ALG12: variants seen among roughly 807,000 people sequenced by gnomAD.
ALG12 encodes dol-P-Man:Man(7)GlcNAc(2)-PP-Dol alpha-1,6-mannosyltransferase.
ALG12 carries 36 observed loss-of-function variants against 46.0 expected under a neutral mutation model. That is an observed-to-expected ratio of 0.78 (90% CI 0.60 to 1.03). The LOEUF (loss-of-function observed/expected upper bound fraction) is 1.03, where lower values mean the gene tolerates loss of function less well. Ranked by LOEUF, ALG12 falls within the 50% of genes least tolerant of loss-of-function variation. The probability of loss-of-function intolerance (pLI) is 0.00; values close to 1 mark genes in which losing one functional copy is unlikely to be tolerated. For synonymous variants in ALG12, 326 were observed against 291.6 expected, an observed-to-expected ratio of 1.12 and a Z score of -1.20; for missense variants, 599 against 633.5, an observed-to-expected ratio of 0.95 and a Z score of 0.58.
chr22:49,908,228 A>G (rs1021876066), intron 6 of ALG12, among the ~76,000 whole-genome samples: 3 of 152,086 alleles, frequency 2.0e-5, no homozygotes, highest in South Asian at 2.1e-4. Context: ...CCTTTTCTTC[A>G]CTGTTAAAAA....
chr22:49,891,266 C>G, the ALG12 span, among the ~76,000 whole-genome samples: 1 of 152,168 alleles, frequency 6.6e-6, no homozygotes, highest in Admixed American at 6.5e-5. Flanking sequence ...GGTCTTGATG[C>G]CACTTGTTTA....
Position 49,906,452 on chromosome 22 carries a change from C to T in ALG12, c.992+1269G>A, listed in dbSNP as rs1438857773. Reference sequence around the variant, plus strand: ...GCCAGAGGAGCCCCCAACCCAGGCACGGCCACGGCAGCCGGAGGAACCCCC... The same window carrying T: ...GCCAGAGGAGCCCCCAACCCAGGCATGGCCACGGCAGCCGGAGGAACCCCC... On this transcript the variant is annotated intron_variant, in intron 7 of 9. Transcript: ENST00000330817. This position sits in a 1 kb window ranked among gnomAD's most constrained non-coding sequence, Gnocchi z 4.4. 2.0e-5 allele frequency among the ~76,000 whole-genome samples: 3 copies of T among 152,112 alleles called. No individual in the cohort carries two copies. Among genetic ancestry groups the T allele is most frequent in the African/African-American group, 7.2e-5 (3 of 41,408 alleles).
At chr22:49,907,630 T>C in intron 7 of ALG12, 91 bp downstream of exon 7, 3 of 1,417,022 alleles carry the variant, frequency 2.1e-6, no homozygotes, top group Non-Finnish European at 2.9e-6. Flanking sequence ...GTTTCAAAAA[T>C]TAAACACACA....
chr22:49,913,238 C>G (rs2060589734), intron 3 of ALG12, 147 bp downstream of exon 3: 1 of 1,312,300 alleles, frequency 7.6e-7, no homozygotes, highest in South Asian at 1.2e-5. Context: ...ACCTGAGCAC[C>G]TGCTCTGAGC....
chr22:49,864,225 C>G, the ALG12 span, among the ~76,000 whole-genome samples: 1 of 152,198 alleles, frequency 6.6e-6, no homozygotes, highest in East Asian at 1.9e-4. Flanking sequence ...TCCTCTTTTT[C>G]CACTGAGAGT....
chr22:49,898,322 A>G (rs1028819229), downstream of ALG12, among the ~76,000 whole-genome samples: 2 of 151,796 alleles, frequency 1.3e-5, no homozygotes, highest in African/African-American at 4.8e-5. Context: ...TCTTTATCAG[A>G]TATGTGTTTC....
At chr22:49,909,472 G>T in intron 5 of ALG12, 125 bp from the exon 6 acceptor site, 1 of 994,468 alleles carries the variant, frequency 1.0e-6, no homozygotes, top group Non-Finnish European at 1.5e-6. Flanking sequence ...TGGGCAGGGT[G>T]GGAAGATTGC....
At chr22:49,875,112 G>T in the ALG12 span, among the ~76,000 whole-genome samples, 1 of 152,024 alleles carries the variant, frequency 6.6e-6, no homozygotes, top group Non-Finnish European at 1.5e-5. Context: ...GTGCTCATAG[G>T]GTATCAAGTT....
At chr22:49,911,733 C>T (rs1465409740) in intron 3 of ALG12, among the ~76,000 whole-genome samples, 1 of 152,200 alleles carries the variant, frequency 6.6e-6, no homozygotes, top group Non-Finnish European at 1.5e-5. Context: ...CATGCCCAGT[C>T]TGAATGTCTT....
the ALG12 span, chr22:49,887,266 T>C: frequency 7.1e-7 from 1 of 1,400,100 alleles, no homozygotes; most frequent in South Asian, 1.4e-5. Context: ...TGCCCACGGC[T>C]GTGTACGACA....
the ALG12 span, among the ~76,000 whole-genome samples, chr22:49,892,273 A>C: frequency 6.6e-6 from 1 of 151,666 alleles, no homozygotes; most frequent in Non-Finnish European, 1.5e-5. Flanking sequence ...TCCTAGTAAG[A>C]TGAGACTTGC....
chr22:49,880,178 G>C, the ALG12 span, among the ~76,000 whole-genome samples: 1 of 152,046 alleles, frequency 6.6e-6, no homozygotes, highest in African/African-American at 2.4e-5. Flanking sequence ...TTAAAAGAGC[G>C]GCCGTTGTTG....
intron 7 of ALG12, 24 bp downstream of exon 7, chr22:49,907,697 G>T: frequency 6.2e-7 from 1 of 1,604,788 alleles, no homozygotes; most frequent in South Asian, 1.1e-5. Flanking sequence ...CTATAAAAAT[G>T]CATGTCACAA....
At chr22:49,864,181 G>A in the ALG12 span, among the ~76,000 whole-genome samples, 17 of 152,318 alleles carry the variant, frequency 1.1e-4, no homozygotes, top group South Asian at 2.1e-4. Flanking sequence ...ACGGCAGGGC[G>A]TTCACATGGG....
At chr22:49,886,488 T>C in the ALG12 span, 1,189,434 of 1,564,168 alleles carry the variant, frequency 0.76, 465,516 homozygotes, top group East Asian at 0.86. The surrounding 1 kb of genome is among the most constrained non-coding windows in gnomAD (Gnocchi z 7.7). Context: ...CCTTCGAGGC[T>C]GCGAGCCGGG....
rs756514420 is a variant in ALG12, at chr22:49,913,807, C to T, written c.-42G>A. On this transcript the variant is annotated 5_prime_UTR_variant, in exon 2 of 10. Transcript: ENST00000330817. ...CACGTACCTTCACAGGCCAACAGTG[C>T]GAGACACCAGCCGTTAGCACTGCCA... 6.2e-6 allele frequency: 10 copies of T among 1,609,336 alleles called. No homozygotes were observed. Among genetic ancestry groups the T allele is most frequent in the Non-Finnish European group, 1.7e-6 (2 of 1,179,760 alleles).
chr22:49,871,458 G>A, the ALG12 span, among the ~76,000 whole-genome samples: 1 of 151,998 alleles, frequency 6.6e-6, no homozygotes, highest in African/African-American at 2.4e-5. Flanking sequence ...ACTCCAGCCT[G>A]GGCGACAGAG....
At chr22:49,887,362 C>T in the ALG12 span, 22 of 531,666 alleles carry the variant, frequency 4.1e-5, no homozygotes, top group Middle Eastern at 5.2e-4. Flanking sequence ...CCAAGTTTCG[C>T]GGGGTGTTTT....
chr22:49,909,275 T>C lies in ALG12; in HGVS notation c.737A>G (p.Asn246Ser). The change falls in exon 6 of 10, where the codon AAC (asparagine) becomes AGC (serine). Residue 246 changes from asparagine to serine, a missense_variant. By Grantham distance (46) the Asn-to-Ser change is conservative. Coordinates refer to ENST00000330817, the MANE Select transcript of ALG12 (RefSeq NM_024105.4). ...GTTGGAGCTTTTGTTCAGGACAGTG[T>C]TGTACCAAAGCACCTTTCCTTCCGG... ...TWPEGKVLWY[N>S]TVLNKSSNWG... 8 of 1,614,214 alleles carry C rather than the reference T, an allele frequency of 5.0e-6. No homozygotes were observed. Among genetic ancestry groups the C allele is most frequent in the Non-Finnish European group, 6.8e-6 (8 of 1,180,030 alleles).
Sources: allele counts gnomAD v4.1 joint callset (sites outside exome capture counted in the v4.1 genomes callset), GRCh38; gene constraint gnomAD v4.1.1; non-coding constraint Gnocchi (gnomAD v3.1); transcripts MANE v1.5; gene names NCBI Gene and HGNC (gene_info 2026-07-23, HGNC 2026-07-21).